Variants in MDN1 observed in about 807,000 individuals in gnomAD.
The protein encoded by MDN1 is midasin.
In MDN1, 266 loss-of-function variants were observed where a neutral mutation model predicts 669.2. The ratio of observed to expected loss-of-function variants is 0.40; its 90% CI spans 0.36 to 0.44. MDN1 has a LOEUF of 0.44. MDN1 is among the 20% of genes least tolerant of loss of function. The pLI, the probability that MDN1 is intolerant of heterozygous loss-of-function variation, is 1.00. For synonymous variants in MDN1, 2,385 were observed against 2,457.1 expected, an observed-to-expected ratio of 0.97 and a Z score of 0.87; for missense variants, 5,940 against 6,754.0, an observed-to-expected ratio of 0.88 and a Z score of 4.22.
At chr6:89,741,967 G>A (rs1816320373) in intron 31 of MDN1, among the ~76,000 whole-genome samples, 1 of 151,928 alleles carries the variant, frequency 6.6e-6, no homozygotes, top group African/African-American at 2.4e-5. Flanking sequence ...TGGGAGTGGT[G>A]ACACATGCCT....
Position 89,718,385 on chromosome 6 carries a change from G to A in MDN1, c.6564C>T (p.Ile2188=), listed in dbSNP as rs780193499. Reference sequence around the variant, plus strand: ...ACATACCTGCCTTGCAGTATGAGTTGATTTTATTGTTGAGTCGCTGCATAA... The same window carrying A: ...ACATACCTGCCTTGCAGTATGAGTTAATTTTATTGTTGAGTCGCTGCATAA... ...LLLMQRLNNK[I]NSYCKAEFAK... The change falls in exon 43 of 102, where the codon ATC becomes ATT. Residue 2188 remains isoleucine, a synonymous_variant. Coordinates refer to ENST00000369393, the MANE Select transcript of MDN1 (RefSeq NM_014611.3). The A allele has an allele frequency of 1.2e-6, 2 of 1,613,840 alleles. No homozygotes were observed. Among genetic ancestry groups the A allele is most frequent in the Non-Finnish European group, 1.7e-6 (2 of 1,179,996 alleles).
chr6:89,653,175 T>C lies in MDN1; in HGVS notation c.15662-20A>G. ...CAAAGCCTATTTTCATTTAAGGACATAATTTTACTTATAATATTAGCCTGA... is the reference window on the plus strand; with the variant it reads ...CAAAGCCTATTTTCATTTAAGGACACAATTTTACTTATAATATTAGCCTGA... On this transcript the variant is annotated intron_variant, in intron 93 of 101. Transcript: ENST00000369393. 1 of 1,598,290 alleles carries C rather than the reference T, an allele frequency of 6.3e-7. No individual in the cohort carries two copies. The highest frequency in any genetic ancestry group is 8.5e-7 in the Non-Finnish European group (1 of 1,175,196).
chr6:89,654,941 T>C (rs1262641842), intron 92 of MDN1, among the ~76,000 whole-genome samples: 1 of 152,220 alleles, frequency 6.6e-6, no homozygotes, highest in Non-Finnish European at 1.5e-5. Flanking sequence ...ATTGTGATCT[T>C]GCGTGAGTGA....
chr6:89,703,341 A>G (rs987753596), intron 53 of MDN1, among the ~76,000 whole-genome samples: 3 of 142,410 alleles, frequency 2.1e-5, no homozygotes, highest in African/African-American at 7.6e-5. Context: ...CAAAAAACAA[A>G]ACAAAAATAA....
intron 15 of MDN1, among the ~76,000 whole-genome samples, chr6:89,769,138 A>C (rs947671678): frequency 2.0e-5 from 3 of 152,172 alleles, no homozygotes; most frequent in African/African-American, 7.2e-5. Context: ...AACATAACTT[A>C]TAAAACAGAT....
chr6:89,700,370 T>C (rs765149544), intron 56 of MDN1, 76 bp from the exon 57 acceptor site: 26 of 1,160,310 alleles, frequency 2.2e-5, no homozygotes, highest in Non-Finnish European at 3.0e-5. Flanking sequence ...CAACCTGCTA[T>C]GTGACTGCAA....
chr6:89,683,309 C>G lies in MDN1; in HGVS notation c.11925G>C (p.Lys3975Asn). ...KTHRTLFKFMKKFEAVLSEPC... is the reference protein window; with the variant it reads ...KTHRTLFKFMNKFEAVLSEPC... ...GTTCACTCAGGACTGCTTCAAATTT[C>G]TTCATGAATTTAAAGAGTGTCCTGT... is the stretch of plus-strand genomic sequence containing the variant. Residue 3975 changes from lysine (K) to asparagine (N), a missense_variant, in exon 73 of 102, where the codon AAG becomes AAC. Lys to Asn is a moderately conservative substitution (Grantham distance 94, BLOSUM62 0). Around this residue, in one of 5 missense-constraint regions of MDN1, gnomAD observed 2,280 missense variants for 2,576.3 expected, o/e 0.88. Transcript: ENST00000369393. The G allele has an allele frequency of 6.2e-7, 1 of 1,614,082 alleles. No homozygotes were observed. Among genetic ancestry groups the G allele is most frequent in the Non-Finnish European group, 8.5e-7 (1 of 1,179,992 alleles).
chr6:89,733,431 T>C (rs1815728975), intron 33 of MDN1, among the ~76,000 whole-genome samples: 10 of 152,010 alleles, frequency 6.6e-5, no homozygotes, highest in Non-Finnish European at 1.5e-5. Flanking sequence ...GAGTACTTTA[T>C]AAAACGTCTT....
chr6:89,760,838 G>A (rs985574504), intron 17 of MDN1, among the ~76,000 whole-genome samples: 1 of 152,144 alleles, frequency 6.6e-6, no homozygotes, highest in Non-Finnish European at 1.5e-5. Flanking sequence ...AGCAGAGGCT[G>A]GAGAGTTAGG....
At chr6:89,778,458 A>T (rs1818463477) in intron 11 of MDN1, among the ~76,000 whole-genome samples, 1 of 152,166 alleles carries the variant, frequency 6.6e-6, no homozygotes, top group Non-Finnish European at 1.5e-5. Flanking sequence ...AGAAATCTAA[A>T]GTTACAAACA....
intron 17 of MDN1, 91 bp from the exon 18 acceptor site, chr6:89,759,051 C>T (rs1376176991): frequency 8.3e-6 from 11 of 1,324,514 alleles, no homozygotes; most frequent in African/African-American, 4.4e-5. Flanking sequence ...GAAATAGAGG[C>T]GGGGCAAATC....
chr6:89,816,701 G>GTCTC (rs930746042), intron 1 of MDN1, among the ~76,000 whole-genome samples: 1 of 123,798 alleles, frequency 8.1e-6, no homozygotes, highest in Non-Finnish European at 1.6e-5. Context: ...TTGAGACAGA[G>GTCTC]TCTCGCTCTG....
Position 89,732,606 on chromosome 6 carries a change from T to C in MDN1, c.4893A>G (p.Thr1631=). ...LKRPEIISTV[T]SFVHAACLVY... ...CCAGGCATGCAGCATGGACAAAAGA[T>C]GTCACAGTGGAGATGATCTCTGGCC... Residue 1631 remains threonine, a synonymous_variant, in exon 34 of 102, where the codon ACA becomes ACG. Coordinates refer to ENST00000369393, the MANE Select transcript of MDN1 (RefSeq NM_014611.3). 6.2e-7 allele frequency: 1 copy of C among 1,614,150 alleles called. No individual in the cohort carries two copies. The highest frequency in any genetic ancestry group is 8.5e-7 in the Non-Finnish European group (1 of 1,180,018).
chr6:89,751,026 A>C lies in MDN1; in HGVS notation c.3227+405T>G, dbSNP rs537901554. ...ATTTCTGGAAAATGCAAGAAGCAGA[A>C]GAACATTTTTATTCCTATACACTGA... On this transcript the variant is annotated intron_variant, in intron 23 of 101. Coordinates refer to ENST00000369393, the MANE Select transcript of MDN1 (RefSeq NM_014611.3). 1.5e-4 allele frequency among the ~76,000 whole-genome samples: 23 copies of C among 152,222 alleles called. 1 individual carries two copies. Among genetic ancestry groups the C allele is most frequent in the Admixed American group, 1.2e-3 (18 of 15,284 alleles).
At chr6:89,765,705 T>C (rs183399659) in intron 15 of MDN1, among the ~76,000 whole-genome samples, 230 of 152,336 alleles carry the variant, frequency 1.5e-3, no homozygotes, top group African/African-American at 5.3e-3. Flanking sequence ...CACTCAAGAC[T>C]GCTTAGGTTC....
chr6:89,670,151 TATATATATATA>T (rs1562061631), intron 83 of MDN1, among the ~76,000 whole-genome samples: 6 of 22,392 alleles, frequency 2.7e-4, no homozygotes, highest in Non-Finnish European at 4.4e-4. Flanking sequence ...TATATATATA[TATATATATATA>T]TATATATATT....
In MDN1 at chr6:89,731,009, G is replaced by A. The variant is rs76623677; in HGVS notation, c.4943-86C>T. ...AGCAGGAGCTCTAGCACAGGTTCCC[G>A]GAAAAAAGAGGCCTCAGCAAAACTG... is the stretch of plus-strand genomic sequence containing the variant. On this transcript the variant is annotated intron_variant, in intron 34 of 101. Coordinates refer to ENST00000369393, the MANE Select transcript of MDN1 (RefSeq NM_014611.3). The A allele has an allele frequency of 4.4e-3, 5,188 of 1,189,378 alleles. 21 individuals carry two copies. The highest frequency in any genetic ancestry group is 6.6e-3 in the Middle Eastern group (33 of 5,004). The allele number at this position is 1,189,378 out of a possible 1,614,324, so 73.7% of individuals were successfully genotyped here. A position where few individuals can be genotyped will look rare whatever the true frequency, so the allele number is the denominator to read the frequency against.
chr6:89,787,899 T>A lies in MDN1; in HGVS notation c.1289A>T (p.Asp430Val). The change falls in exon 8 of 102, where the codon GAC (aspartate) becomes GTC (valine). Residue 430 changes from aspartate (D) to valine (V), a missense_variant. Physicochemically the swap from Asp to Val is radical, Grantham distance 152. Coordinates refer to ENST00000369393, the MANE Select transcript of MDN1 (RefSeq NM_014611.3). ...NGELLIPGRGDCLKVAPGFQF... is the reference protein window; with the variant it reads ...NGELLIPGRGVCLKVAPGFQF... The stretch of plus-strand genomic sequence containing the variant: ...AAATCCAGGTGCCACTTTCAGACAG[T>A]CACCTCGGCCAGGAATCAAGAGCTC... 6.2e-7 allele frequency: 1 copy of A among 1,613,650 alleles called. No homozygotes were observed. Among genetic ancestry groups the A allele is most frequent in the African/African-American group, 1.3e-5 (1 of 74,984 alleles).
At position 89,643,855 on chromosome 6, in the gene MDN1, G is replaced by A; in HGVS notation, c.*150C>T. 1 of 684,388 alleles carries A rather than the reference G, an allele frequency of 1.5e-6. No homozygotes were observed. The highest frequency in any genetic ancestry group is 2.2e-6 in the Non-Finnish European group (1 of 445,094). 42.4% of individuals were successfully genotyped at this position (684,388 alleles called of 1,614,324 possible). On this transcript the variant is annotated 3_prime_UTR_variant, in exon 102 of 102. Transcript: ENST00000369393. ...AACCTCAGCCCAGGCAAAGCCGGGAGCCAGAGAGCATTCTGTAGGCTGTAA... is the reference window on the plus strand; with the variant it reads ...AACCTCAGCCCAGGCAAAGCCGGGAACCAGAGAGCATTCTGTAGGCTGTAA...
Sources: gnomAD v4.1 joint callset for allele counts (sites outside exome capture counted in the v4.1 genomes callset) on GRCh38, gnomAD v4.1.1 for gene constraint, gnomAD v4.1.1 regional missense constraint, MANE v1.5 for transcripts, NCBI Gene and HGNC (gene_info 2026-07-23, HGNC 2026-07-21) for gene names.